UBQLN1: variants seen among roughly 807,000 people sequenced by gnomAD.
UBQLN1 encodes the protein ubiquilin-1.
UBQLN1 carries 13 observed loss-of-function variants against 65.4 expected under a neutral mutation model. That is an observed-to-expected ratio of 0.20 (90% CI 0.13 to 0.32). The LOEUF (loss-of-function observed/expected upper bound fraction) is 0.32. Among genes scored for constraint, UBQLN1 ranks in the 10% least tolerant of loss-of-function variants. The probability of loss-of-function intolerance (pLI) is 1.00; values close to 1 mark genes in which losing one functional copy is unlikely to be tolerated. For missense variants in UBQLN1, 561 were observed against 724.0 expected (o/e 0.77, Z 2.58); for synonymous variants, 267 against 247.8 (o/e 1.08, Z -0.73).
chr9:83,698,806 G>C (rs764297684), intron 1 of UBQLN1, among the ~76,000 whole-genome samples: 45 of 152,104 alleles, frequency 3.0e-4, no homozygotes, highest in Non-Finnish European at 5.6e-4. Context: ...CCAGCTACTT[G>C]GGGGGCTAAG....
chr9:83,703,321 GA>G (rs1424675553), intron 1 of UBQLN1, among the ~76,000 whole-genome samples: 4 of 152,048 alleles, frequency 2.6e-5, no homozygotes, highest in Non-Finnish European at 4.4e-5. Context: ...ATCACATGTG[GA>G]AAAATCCCAT....
At chr9:83,676,524 T>A (rs955088811) in intron 6 of UBQLN1, among the ~76,000 whole-genome samples, 5 of 152,198 alleles carry the variant, frequency 3.3e-5, no homozygotes, top group African/African-American at 1.2e-4. Flanking sequence ...TTAAGTAGAA[T>A]ATAGAACAGA....
chr9:83,668,911 G>C, intron 7 of UBQLN1: 2 of 348,408 alleles, frequency 5.7e-6, no homozygotes, highest in Non-Finnish European at 9.9e-6. Context: ...CCAGAACTCT[G>C]TACTTGTCTC....
chr9:83,704,824 CAA>C (rs780432842), intron 1 of UBQLN1, among the ~76,000 whole-genome samples: 46 of 69,530 alleles, frequency 6.6e-4, no homozygotes, highest in African/African-American at 2.1e-3. Context: ...GACTCCATCT[CAA>C]AAAAAAAAAA....
intron 1 of UBQLN1, among the ~76,000 whole-genome samples, chr9:83,687,619 A>G (rs1832060737): frequency 6.6e-6 from 1 of 152,218 alleles, no homozygotes; most frequent in South Asian, 2.1e-4. Context: ...AGATTTAAAA[A>G]ATCTTGTGGG....
intron 6 of UBQLN1, among the ~76,000 whole-genome samples, chr9:83,674,000 T>C (rs1250838398): frequency 6.6e-6 from 1 of 152,084 alleles, no homozygotes; most frequent in Non-Finnish European, 1.5e-5. Flanking sequence ...GGTTTCACCA[T>C]GTTGGCTAGG....
At chr9:83,704,420 C>A (rs1325810953) in intron 1 of UBQLN1, among the ~76,000 whole-genome samples, 1 of 152,128 alleles carries the variant, frequency 6.6e-6, no homozygotes, top group Non-Finnish European at 1.5e-5. Flanking sequence ...TGGTGATAAG[C>A]GTCAATTTTT....
intron 8 of UBQLN1, chr9:83,665,364 A>T: frequency 5.1e-6 from 2 of 393,592 alleles, no homozygotes; most frequent in Non-Finnish European, 9.0e-6. Flanking sequence ...GTCCATCATG[A>T]AAGCCATTTC....
chr9:83,683,414 CAAAAAAAAAAAAAAA>C (rs766459859), intron 2 of UBQLN1, among the ~76,000 whole-genome samples: 1 of 70,960 alleles, frequency 1.4e-5, no homozygotes, highest in Non-Finnish European at 2.6e-5. Context: ...GACTCCGTCT[CAAAAAAAAAAAAAAA>C]AAAAAAAGAA....
chr9:83,677,919 A>G lies in UBQLN1; in HGVS notation c.913T>C (p.Ser305Pro), dbSNP rs773032287. ...CGGGAAGGTTGACTACCTTCACCAG[A>G]GGATGTATTGCTCACCAAGGAAGCA... ...PFASLVSNTSSGEGSQPSRTE... is the reference protein window; with the variant it reads ...PFASLVSNTSPGEGSQPSRTE... Residue 305 changes from serine to proline, a missense_variant, in exon 6 of 11, where the codon TCT becomes CCT. Physicochemically the swap from Ser to Pro is moderately conservative, Grantham distance 74. This residue lies in a region of UBQLN1 where 89 missense variants were observed against 77.8 expected (regional missense o/e 1.14). Coordinates refer to ENST00000376395, the MANE Select transcript of UBQLN1 (RefSeq NM_013438.5). The G allele has an allele frequency of 6.2e-7, 1 of 1,614,178 alleles. No individual in the cohort carries two copies. The highest frequency in any genetic ancestry group is 1.1e-5 in the South Asian group (1 of 91,092).
At chr9:83,706,325 T>C (rs1832406245) in intron 1 of UBQLN1, among the ~76,000 whole-genome samples, 1 of 152,228 alleles carries the variant, frequency 6.6e-6, no homozygotes, top group African/African-American at 2.4e-5. Context: ...CCCAATTCTT[T>C]CAACTTTCCG....
intron 1 of UBQLN1, among the ~76,000 whole-genome samples, chr9:83,688,895 T>C (rs946412022): frequency 6.6e-6 from 1 of 152,062 alleles, no homozygotes; most frequent in African/African-American, 2.4e-5. Context: ...TATTCTTACA[T>C]CCTTTCAAAT....
Position 83,678,957 on chromosome 9 carries a change from G to A in UBQLN1, c.712-358C>T, listed in dbSNP as rs545134042. On this transcript the variant is annotated intron_variant, in intron 4 of 10. Coordinates refer to ENST00000376395, the MANE Select transcript of UBQLN1 (RefSeq NM_013438.5). The stretch of plus-strand genomic sequence containing the variant: ...AGGATGGTCTTGATCTCCTGACCTC[G>A]TGATCCGCCCACCTCAGCTTCCCAA... Among the ~76,000 whole-genome samples, 6 of 152,198 alleles carry A rather than the reference G, an allele frequency of 3.9e-5. No individual in the cohort carries two copies. The East Asian group carries it at 9.7e-4, about 25-fold the overall frequency.
chr9:83,665,419 T>TC, intron 8 of UBQLN1: 1 of 316,298 alleles, frequency 3.2e-6, no homozygotes, highest in Non-Finnish European at 5.7e-6. Flanking sequence ...CCACAACTAT[T>TC]CCCCTTCTCC....
intron 6 of UBQLN1, 47 bp from the exon 7 acceptor site, chr9:83,669,374 A>C: frequency 2.0e-6 from 3 of 1,523,836 alleles, no homozygotes; most frequent in Non-Finnish European, 2.6e-6. Context: ...AAATACTTAA[A>C]CAAAAGTTAA....
At chr9:83,701,675 T>A (rs974816397) in intron 1 of UBQLN1, among the ~76,000 whole-genome samples, 1 of 152,156 alleles carries the variant, frequency 6.6e-6, no homozygotes, top group Non-Finnish European at 1.5e-5. Context: ...TAATAAGTAT[T>A]ACCGAGAATG....
intron 2 of UBQLN1, among the ~76,000 whole-genome samples, 183 bp from the exon 3 acceptor site, chr9:83,683,249 A>G (rs2131165610): frequency 6.6e-6 from 1 of 152,202 alleles, no homozygotes; most frequent in African/African-American, 2.4e-5. Flanking sequence ...CATCTCTACT[A>G]AACATACAAA....
At chr9:83,663,301 T>C (rs1354346852) in intron 10 of UBQLN1, among the ~76,000 whole-genome samples, 2 of 152,194 alleles carry the variant, frequency 1.3e-5, no homozygotes, top group East Asian at 3.8e-4. Flanking sequence ...CTGGCGATCA[T>C]CTTTATATAA....
At chr9:83,707,433 C>CTCCTGGGGCGGCGGGCGGAGG (rs1832430486) in intron 1 of UBQLN1, 67 bp downstream of exon 1, 2 of 1,509,658 alleles carry the variant, frequency 1.3e-6, no homozygotes. Flanking sequence ...TCCAAAAGGT[C>CTCCTGGGGCGGCGGGCGGAGG]TCCTGGGGCG....
Sources: gnomAD v4.1 joint callset for allele counts (sites outside exome capture counted in the v4.1 genomes callset) on GRCh38, gnomAD v4.1.1 for gene constraint, gnomAD v4.1.1 regional missense constraint, MANE v1.5 for transcripts, NCBI Gene and HGNC (gene_info 2026-07-23, HGNC 2026-07-21) for gene names.